ATXN2: variants seen among roughly 807,000 people sequenced by gnomAD.
ATXN2 encodes the protein ataxin 2.
Under a neutral mutation model 138.6 loss-of-function variants are expected in ATXN2, and 37 were observed. That is an observed-to-expected ratio of 0.27 (90% CI 0.21 to 0.35). The LOEUF is 0.35. Among genes scored for constraint, ATXN2 ranks in the 10% least tolerant of loss-of-function variants. ATXN2 has a pLI of 1.00. For synonymous variants in ATXN2, 549 were observed against 543.7 expected, an observed-to-expected ratio of 1.01 and a Z score of -0.13; for missense variants, 1,216 against 1,480.3, an observed-to-expected ratio of 0.82 and a Z score of 2.93.
chr12:111,560,942 T>C lies in ATXN2; in HGVS notation c.252-5023A>G, dbSNP rs532248136. Among the ~76,000 whole-genome samples the C allele has an allele frequency of 4.6e-5, 7 of 152,290 alleles. No homozygotes were observed. The East Asian group carries it at 1.2e-3, about 25-fold the overall frequency. ...TTAATGCAGTAAAAGAAGGTATGAT[T>C]GGCCAGGCGCCCTGACTCACGCCTG... is the stretch of plus-strand genomic sequence containing the variant. On this transcript the variant is annotated intron_variant, in intron 1 of 24. Coordinates refer to ENST00000673436, the MANE Select transcript of ATXN2 (RefSeq NM_001372574.1).
At chr12:111,506,938 T>C (rs890895852) in intron 14 of ATXN2, among the ~76,000 whole-genome samples, 4 of 152,170 alleles carry the variant, frequency 2.6e-5, no homozygotes, top group Non-Finnish European at 4.4e-5. Context: ...GGTGCCGGGA[T>C]TGCAGACGGA....
At chr12:111,578,156 C>T (rs1359272584) in intron 1 of ATXN2, among the ~76,000 whole-genome samples, 1 of 152,106 alleles carries the variant, frequency 6.6e-6, no homozygotes, top group Non-Finnish European at 1.5e-5. Flanking sequence ...AACATCACGC[C>T]ACTACACTCC....
rs370749173 is a variant in ATXN2 at position 111,452,857 on chromosome 12, G to A, written c.3440-17C>T. ...GGGCTTGTACTGTAAAAAGAAAAGC[G>A]AACATTGAAACAGAAAACTGGCAAC... On this transcript the variant is annotated splice_polypyrimidine_tract_variant and intron_variant, in intron 24 of 24. Coordinates refer to ENST00000673436, the MANE Select transcript of ATXN2 (RefSeq NM_001372574.1). 6 of 1,605,694 alleles carry A rather than the reference G, an allele frequency of 3.7e-6. No homozygotes were observed. The highest frequency in any genetic ancestry group is 1.1e-5 in the South Asian group (1 of 89,136).
intron 14 of ATXN2, among the ~76,000 whole-genome samples, chr12:111,506,855 G>C (rs555574967): frequency 6.6e-6 from 1 of 152,074 alleles, no homozygotes; most frequent in Non-Finnish European, 1.5e-5. Flanking sequence ...TGGTGGAGAC[G>C]GGGTTTCGCT....
Position 111,574,467 on chromosome 12 carries a change from G to A in ATXN2, c.252-18548C>T, listed in dbSNP as rs372164557. On this transcript the variant is annotated intron_variant, in intron 1 of 24. Transcript: ENST00000673436. ...TGGGGGGATAGGGTCTCACTCTGTC[G>A]CCTGGGATGGTATACAGTGGCGCAA... 2.2e-3 allele frequency among the ~76,000 whole-genome samples: 333 copies of A among 151,400 alleles called. 3 individuals carry two copies. In the South Asian group the frequency reaches 0.024, roughly 11 times the overall value.
intron 20 of ATXN2, 120 bp downstream of exon 20, chr12:111,469,988 T>C (rs1454651262): frequency 4.9e-6 from 6 of 1,213,034 alleles, no homozygotes; most frequent in Non-Finnish European, 5.6e-6. Flanking sequence ...ATCTTTTCCT[T>C]CAGATTCTTG....
chr12:111,579,510 C>T (rs533164117), intron 1 of ATXN2, among the ~76,000 whole-genome samples: 12 of 152,096 alleles, frequency 7.9e-5, no homozygotes, highest in African/African-American at 2.7e-4. Flanking sequence ...GATCCGCCTG[C>T]CTCGGCCTTC....
At chr12:111,599,601 C>T, upstream of ATXN2, 1 of 1,088,480 alleles carries the variant, frequency 9.2e-7, no homozygotes, top group Non-Finnish European at 1.1e-6. Context: ...CAGACGGAAG[C>T]AGAACGTGAG....
intron 17 of ATXN2, 132 bp downstream of exon 17, chr12:111,485,581 T>C (rs1230276065): frequency 8.8e-7 from 1 of 1,130,732 alleles, no homozygotes; most frequent in African/African-American, 1.6e-5. Flanking sequence ...ACACTGAATC[T>C]CTGCATGCCT....
intron 5 of ATXN2, among the ~76,000 whole-genome samples, chr12:111,545,976 A>T (rs1881780409): frequency 6.6e-6 from 1 of 151,876 alleles, no homozygotes; most frequent in Non-Finnish European, 1.5e-5. Flanking sequence ...AAAAAAAAAA[A>T]AAAGATGGCA....
chr12:111,573,989 A>G (rs1001928093), intron 1 of ATXN2, among the ~76,000 whole-genome samples: 30 of 151,026 alleles, frequency 2.0e-4, no homozygotes, highest in Non-Finnish European at 3.8e-4. Context: ...ACATTCTTAT[A>G]TATTTCCTTA....
At chr12:111,487,353 A>G (rs1483637161) in intron 15 of ATXN2, among the ~76,000 whole-genome samples, 1 of 152,104 alleles carries the variant, frequency 6.6e-6, no homozygotes, top group Admixed American at 6.6e-5. Flanking sequence ...GATTACAGGT[A>G]TGAGCTACCA....
In ATXN2 at chr12:111,598,316, C is replaced by A; in HGVS notation, c.251+468G>T. 1.0e-6 allele frequency: 1 copy of A among 997,728 alleles called. No homozygotes were observed. Among genetic ancestry groups the A allele is most frequent in the Non-Finnish European group, 1.2e-6 (1 of 837,052 alleles). The allele number at this position is 997,728 out of a possible 1,614,324, so 61.8% of individuals were successfully genotyped here. A position where few individuals can be genotyped will look rare whatever the true frequency, so the allele number is the denominator to read the frequency against. On this transcript the variant is annotated intron_variant, in intron 1 of 24. Transcript: ENST00000673436. The surrounding 1 kb of genome is among the most constrained non-coding windows in gnomAD (Gnocchi z 4.5). ...GGGACGCGGCCCTAACTTCTCCCCTCCAGAGATGTCCCCCATGGAGGGGGA... is the reference window on the plus strand; with the variant it reads ...GGGACGCGGCCCTAACTTCTCCCCTACAGAGATGTCCCCCATGGAGGGGGA...
At chr12:111,481,989 C>T (rs931801585) in intron 18 of ATXN2, among the ~76,000 whole-genome samples, 4 of 151,902 alleles carry the variant, frequency 2.6e-5, no homozygotes, top group Non-Finnish European at 5.9e-5. Flanking sequence ...CATGAAAATC[C>T]ACAAAAGCAT....
At chr12:111,480,987 T>C (rs1877187128) in intron 18 of ATXN2, among the ~76,000 whole-genome samples, 1 of 152,120 alleles carries the variant, frequency 6.6e-6, no homozygotes, top group Non-Finnish European at 1.5e-5. Context: ...AAAAACTGTG[T>C]TACAAAGAAC....
chr12:111,515,493 G>A (rs1004081465), intron 10 of ATXN2, among the ~76,000 whole-genome samples: 1 of 152,070 alleles, frequency 6.6e-6, no homozygotes, highest in Non-Finnish European at 1.5e-5. Context: ...TATTTTTGAC[G>A]AGGAAAGAAA....
chr12:111,598,970 TGC>T lies in ATXN2; in HGVS notation c.63_64del (p.Gln22AlafsTer67). 10 of 1,500,116 alleles carry T rather than the reference TGC, an allele frequency of 6.7e-6. No individual in the cohort carries two copies. The East Asian group carries it at 8.1e-5, about 12-fold the overall frequency. 92.9% of individuals were successfully genotyped at this position (1,500,116 alleles called of 1,614,324 possible). A position where few individuals can be genotyped will look rare whatever the true frequency, so the allele number is the denominator to read the frequency against. On this transcript the variant is annotated frameshift_variant, in exon 1 of 25. Coordinates refer to ENST00000673436, the MANE Select transcript of ATXN2 (RefSeq NM_001372574.1). LOFTEE classifies it high-confidence loss of function. The surrounding 1 kb of genome is among the most constrained non-coding windows in gnomAD (Gnocchi z 4.5). ...CGGCGGCTGCTGCTGCTGCTGCTGCTGCTGCTGTTGCTGCTGCTGCTGCTGCT... is the reference window on the plus strand; with the variant it reads ...CGGCGGCTGCTGCTGCTGCTGCTGCTTGCTGTTGCTGCTGCTGCTGCTGCT...
intron 5 of ATXN2, among the ~76,000 whole-genome samples, chr12:111,545,538 T>C (rs1881758707): frequency 6.6e-6 from 1 of 151,862 alleles, no homozygotes; most frequent in African/African-American, 2.4e-5. Flanking sequence ...CACTTCAGCC[T>C]GGGTGACAGA....
Position 111,548,834 on chromosome 12 carries a change from T to C in ATXN2, c.571+3446A>G, listed in dbSNP as rs150487055. 5.9e-5 allele frequency among the ~76,000 whole-genome samples: 9 copies of C among 152,282 alleles called. No homozygotes were observed. In the East Asian group the frequency reaches 1.7e-3, roughly 29 times the overall value. ...CCCGGGTTCAAGCGATTCTTCTGCC[T>C]CAGCCTCTCCCCAAGTAGCTGGGAT... On this transcript the variant is annotated intron_variant, in intron 5 of 24. Coordinates refer to ENST00000673436, the MANE Select transcript of ATXN2 (RefSeq NM_001372574.1).
Sources: gnomAD v4.1 joint callset for allele counts (sites outside exome capture counted in the v4.1 genomes callset) on GRCh38, gnomAD v4.1.1 for gene constraint, Gnocchi (gnomAD v3.1) non-coding constraint, MANE v1.5 for transcripts, NCBI Gene and HGNC (gene_info 2026-07-23, HGNC 2026-07-21) for gene names.